The following ATP2A2 variants were observed in gnomAD, a reference collection of about 807,000 sequenced individuals.
The protein encoded by ATP2A2 is ATPase sarcoplasmic/endoplasmic reticulum Ca2+ transporting 2.
ATP2A2 carries 14 observed loss-of-function variants against 109.3 expected under a neutral mutation model. The ratio of observed to expected loss-of-function variants is 0.13; its 90% CI spans 0.08 to 0.20. ATP2A2 has a LOEUF of 0.20. Among genes scored for constraint, ATP2A2 ranks in the 10% least tolerant of loss-of-function variants. The probability of loss-of-function intolerance (pLI) is 1.00; values close to 1 mark genes in which losing one functional copy is unlikely to be tolerated. For synonymous variants in ATP2A2, 506 were observed against 490.9 expected (o/e 1.03, Z -0.41); for missense variants, 657 against 1,321.6 (o/e 0.50, Z 7.80).
chr12:110,338,566 C>T (rs1285675598), intron 11 of ATP2A2, among the ~76,000 whole-genome samples: 4 of 152,192 alleles, frequency 2.6e-5, no homozygotes, highest in Admixed American at 6.5e-5. Context: ...TTAAGCAGTT[C>T]TCCTGCCTCG....
At chr12:110,301,694 A>G (rs1355783209) in intron 5 of ATP2A2, among the ~76,000 whole-genome samples, 1 of 152,216 alleles carries the variant, frequency 6.6e-6, no homozygotes, top group Admixed American at 6.5e-5. Context: ...TTATTTATTC[A>G]TCTGCTAAAA....
intron 4 of ATP2A2, among the ~76,000 whole-genome samples, chr12:110,295,086 CG>C (rs750258564): frequency 1.8e-4 from 28 of 151,920 alleles, no homozygotes; most frequent in Non-Finnish European, 3.8e-4. Flanking sequence ...CCCAAAGTGC[CG>C]GGATTACAGG....
At chr12:110,286,700 T>TA (rs769437237) in intron 3 of ATP2A2, among the ~76,000 whole-genome samples, 4,434 of 141,110 alleles carry the variant, frequency 0.031, 141 homozygotes, top group African/African-American at 0.089. Context: ...CCTCTTTATT[T>TA]AAAAAAAAAA....
chr12:110,344,808 G>C, intron 16 of ATP2A2, 78 bp from the exon 17 acceptor site: 1 of 1,381,640 alleles, frequency 7.2e-7, no homozygotes, highest in Non-Finnish European at 1.0e-6. Context: ...TCGTCCTTGT[G>C]GGGACTGGCC....
intron 3 of ATP2A2, among the ~76,000 whole-genome samples, chr12:110,283,026 G>T (rs889714503): frequency 1.3e-5 from 2 of 152,218 alleles, no homozygotes; most frequent in African/African-American, 4.8e-5. Context: ...AGTTGTCCCA[G>T]AGTGTGGCAT....
At chr12:110,337,293 T>C (rs1459397189) in intron 11 of ATP2A2, among the ~76,000 whole-genome samples, 3 of 152,326 alleles carry the variant, frequency 2.0e-5, no homozygotes, top group Non-Finnish European at 4.4e-5. Context: ...TTTGGCCCCA[T>C]GGCTTGTTTG....
In ATP2A2 at chr12:110,348,027, C is replaced by G. The variant is rs1328108842; in HGVS notation, c.*1557C>G. The stretch of plus-strand genomic sequence containing the variant: ...CCACAGGCTGCCTAGGACAAGATGA[C>G]CAGGAGGGCCCAAGCCAGACAAAAG... On this transcript the variant is annotated 3_prime_UTR_variant, in exon 20 of 20. Transcript: ENST00000539276. 6 of 986,758 alleles carry G rather than the reference C, an allele frequency of 6.1e-6. No individual in the cohort carries two copies. The highest frequency in any genetic ancestry group is 7.2e-6 in the Non-Finnish European group (6 of 830,980). 61.1% of individuals were successfully genotyped at this position (986,758 alleles called of 1,614,324 possible). A position where few individuals can be genotyped will look rare whatever the true frequency, so the allele number is the denominator to read the frequency against.
chr12:110,347,021 C>T lies in ATP2A2; in HGVS notation c.*551C>T. On this transcript the variant is annotated 3_prime_UTR_variant, in exon 20 of 20. Transcript: ENST00000539276. ...CTCACCCACTTTGGCCTCCGTTCAC[C>T]CCACCCCACCCCACCTCTCCCCACC... 1 of 1,080,194 alleles carries T rather than the reference C, an allele frequency of 9.3e-7. No homozygotes were observed. The highest frequency in any genetic ancestry group is 1.1e-6 in the Non-Finnish European group (1 of 886,616). 66.9% of individuals were successfully genotyped at this position (1,080,194 alleles called of 1,614,324 possible).
At chr12:110,286,726 A>G (rs1400733459) in intron 3 of ATP2A2, among the ~76,000 whole-genome samples, 2 of 151,228 alleles carry the variant, frequency 1.3e-5, no homozygotes, top group Non-Finnish European at 2.9e-5. Flanking sequence ...CTTGATGTAA[A>G]TTTCTTCATT....
In ATP2A2 at chr12:110,348,249, C is replaced by G. The variant is rs139155700; in HGVS notation, c.*1779C>G. On this transcript the variant is annotated 3_prime_UTR_variant, in exon 20 of 20. Coordinates refer to ENST00000539276, the MANE Select transcript of ATP2A2 (RefSeq NM_170665.4). ...TATCGATAGGTTCGTCTTAAATAGG[C>G]CACTTCCCCACTCCCCCACCCCCCC... The G allele has an allele frequency of 1.6e-5, 16 of 985,158 alleles. No individual in the cohort carries two copies. Among genetic ancestry groups the G allele is most frequent in the Non-Finnish European group, 1.9e-5 (16 of 829,920 alleles). 61.0% of individuals were successfully genotyped at this position (985,158 alleles called of 1,614,324 possible). A position where few individuals can be genotyped will look rare whatever the true frequency, so the allele number is the denominator to read the frequency against.
chr12:110,285,629 G>A (rs1040140591), intron 3 of ATP2A2, among the ~76,000 whole-genome samples: 1 of 152,140 alleles, frequency 6.6e-6, no homozygotes, highest in Non-Finnish European at 1.5e-5. Flanking sequence ...TGGGTGGTCC[G>A]GAAAGTTCTT....
chr12:110,319,679 T>C (rs1264946370), intron 5 of ATP2A2, among the ~76,000 whole-genome samples: 1 of 149,908 alleles, frequency 6.7e-6, no homozygotes, highest in African/African-American at 2.4e-5. Context: ...ACATATTGTA[T>C]ATTTATACTA....
Position 110,282,598 on chromosome 12 carries a change from C to A in ATP2A2, c.119-6C>A. 1.9e-6 allele frequency: 3 copies of A among 1,613,598 alleles called. No homozygotes were observed. The highest frequency in any genetic ancestry group is 2.5e-6 in the Non-Finnish European group (3 of 1,179,914). On this transcript the variant is annotated splice_polypyrimidine_tract_variant and splice_region_variant and intron_variant, in intron 1 of 19. Transcript: ENST00000539276. ...ACATTGCTTGACGAATTTCTACATT[C>A]TACAGAGTTACCGGCTGAAGAAGGT...
In ATP2A2 at chr12:110,347,913, T is replaced by C; in HGVS notation, c.*1443T>C. 1.0e-6 allele frequency: 1 copy of C among 990,846 alleles called. No individual in the cohort carries two copies. The highest frequency in any genetic ancestry group is 4.6e-5 in the South Asian group (1 of 21,864). The allele number at this position is 990,846 out of a possible 1,614,324, so 61.4% of individuals were successfully genotyped here. A position where few individuals can be genotyped will look rare whatever the true frequency, so the allele number is the denominator to read the frequency against. On this transcript the variant is annotated 3_prime_UTR_variant, in exon 20 of 20. Coordinates refer to ENST00000539276, the MANE Select transcript of ATP2A2 (RefSeq NM_170665.4). ...TGGCAGATGCTGCTGTGCTCCCTGA[T>C]GCCCTGTGAGCACCGGGGTTGCCTG...
intron 5 of ATP2A2, among the ~76,000 whole-genome samples, chr12:110,303,661 C>A (rs1324076670): frequency 6.6e-6 from 1 of 152,162 alleles, no homozygotes; most frequent in Non-Finnish European, 1.5e-5. Context: ...CCATCCTCCT[C>A]GGCCTCCCAA....
At chr12:110,282,435 C>T (rs978448254) in intron 1 of ATP2A2, among the ~76,000 whole-genome samples, 169 bp from the exon 2 acceptor site, 4 of 152,228 alleles carry the variant, frequency 2.6e-5, no homozygotes, top group African/African-American at 7.2e-5. Flanking sequence ...GTGGTATGCC[C>T]TCTGCTAAAA....
At chr12:110,302,902 T>C (rs1335374631) in intron 5 of ATP2A2, among the ~76,000 whole-genome samples, 1 of 151,464 alleles carries the variant, frequency 6.6e-6, no homozygotes. Context: ...TGGCCTATTA[T>C]TATTTTAGTT....
chr12:110,336,416 C>A (rs890933972), intron 11 of ATP2A2, among the ~76,000 whole-genome samples: 1 of 152,194 alleles, frequency 6.6e-6, no homozygotes, highest in African/African-American at 2.4e-5. Flanking sequence ...CCTTTCATCC[C>A]TTCCTGGATA....
In ATP2A2 at chr12:110,347,000, C is replaced by T. The variant is rs1211343418; in HGVS notation, c.*530C>T. ...TTGTTTTGGTTTGCTACTTCCCTCA[C>T]CCACTTTGGCCTCCGTTCACCCCAC... On this transcript the variant is annotated 3_prime_UTR_variant, in exon 20 of 20. Transcript: ENST00000539276. The T allele has an allele frequency of 9.1e-7, 1 of 1,102,594 alleles. No homozygotes were observed. The highest frequency in any genetic ancestry group is 7.4e-5 in the East Asian group (1 of 13,586). 68.3% of individuals were successfully genotyped at this position (1,102,594 alleles called of 1,614,324 possible).
Sources: gnomAD v4.1 joint callset for allele counts (sites outside exome capture counted in the v4.1 genomes callset) on GRCh38, gnomAD v4.1.1 for gene constraint, MANE v1.5 for transcripts, NCBI Gene and HGNC (gene_info 2026-07-23, HGNC 2026-07-21) for gene names.